Variants in DMD observed in about 807,000 individuals in gnomAD.
The protein encoded by DMD is dystrophin, also known as mutant dystrophin.
DMD carries 63 observed loss-of-function variants against 330.1 expected under a neutral mutation model. The ratio of observed to expected loss-of-function variants is 0.19; its 90% confidence interval spans 0.16 to 0.24. The LOEUF is 0.24. Ranked by LOEUF, DMD falls within the 10% of genes least tolerant of loss-of-function variation. DMD has a pLI of 1.00. For synonymous variants in DMD, 1,223 were observed against 959.8 expected (o/e 1.27, Z -5.07); for missense variants, 3,344 against 2,684.1 (o/e 1.25, Z -5.43).
chrX:31,146,499 C>G, intron 75 of DMD, 85 bp from the exon 76 acceptor site: 1 of 1,032,632 alleles, frequency 9.7e-7, no homozygotes, highest in Admixed American at 2.5e-5. Context: ...ACACTCAGGA[C>G]TCATAAATTT....
intron 67 of DMD, among the ~76,000 whole-genome samples, chrX:31,185,126 A>G (rs1411163152): frequency 9.1e-6 from 1 of 110,314 alleles, no homozygotes; most frequent in Non-Finnish European, 1.9e-5. Context: ...AAAATAAAAT[A>G]AAAAAAATAA....
chrX:32,639,094 C>T (rs896341795), intron 11 of DMD, among the ~76,000 whole-genome samples: 5 of 111,637 alleles, frequency 4.5e-5, no homozygotes, highest in Middle Eastern at 9.2e-3. Flanking sequence ...TTTCCCTTAC[C>T]GTCACAGAAG....
chrX:32,124,518 C>T (rs1171723606), intron 44 of DMD, among the ~76,000 whole-genome samples: 1 of 111,939 alleles, frequency 8.9e-6, no homozygotes, highest in Non-Finnish European at 1.9e-5. Context: ...CAAAGGGGAG[C>T]TCTTTTTTGG....
At chrX:32,882,463 A>G (rs2084050690) in intron 2 of DMD, among the ~76,000 whole-genome samples, 1 of 112,370 alleles carries the variant, frequency 8.9e-6, no homozygotes, top group Non-Finnish European at 1.9e-5. Flanking sequence ...TGTCACTATC[A>G]AAATGGAAAT....
chrX:32,830,225 C>G (rs1004154004), intron 4 of DMD, among the ~76,000 whole-genome samples: 4 of 111,426 alleles, frequency 3.6e-5, no homozygotes, highest in Non-Finnish European at 7.6e-5. Flanking sequence ...TAAGTCATAA[C>G]ATTTTTCTGA....
intron 12 of DMD, among the ~76,000 whole-genome samples, chrX:32,610,825 T>G (rs1056649736): frequency 4.5e-5 from 5 of 111,036 alleles, no homozygotes; most frequent in Non-Finnish European, 9.5e-5. Flanking sequence ...AGGTTACTGA[T>G]GCATTTTGTT....
At chrX:31,375,478 T>C (rs61633449) in intron 60 of DMD, among the ~76,000 whole-genome samples, 8,938 of 111,056 alleles carry the variant, frequency 0.08, 239 homozygotes, top group Middle Eastern at 0.13. Context: ...GGAAAAAAGG[T>C]ACACAGTTGT....
At position 31,975,148 on chromosome X, in the gene DMD, A is replaced by T. The variant is rs1488292962; in HGVS notation, c.6439-6634T>A. Among the ~76,000 whole-genome samples, 14 of 110,930 alleles carry T rather than the reference A, an allele frequency of 1.3e-4. 1 individual carries two copies. The highest frequency in any genetic ancestry group is 2.6e-4 in the Non-Finnish European group (14 of 52,894). On this transcript the variant is annotated intron_variant, in intron 44 of 78. Coordinates refer to ENST00000357033, the MANE Select transcript of DMD (RefSeq NM_004006.3). ...ATATGTTAAGTTTTTGCCCTCTGAAACTGAGGGCTACATTTTAAATCTGGT... is the reference window on the plus strand; with the variant it reads ...ATATGTTAAGTTTTTGCCCTCTGAATCTGAGGGCTACATTTTAAATCTGGT...
chrX:32,178,964 CTCTCTCT>C lies in DMD; in HGVS notation c.6438+37945_6438+37951del, dbSNP rs1353481901. Among the ~76,000 whole-genome samples the C allele has an allele frequency of 3.3e-3, 350 of 104,517 alleles. 2 individuals carry two copies. The highest frequency in any genetic ancestry group is 0.011 in the African/African-American group (309 of 27,692). The allele number at this position is 104,517 out of a possible 115,157, so 90.8% of individuals were successfully genotyped here. ...ATTCTCTCTCTCTCTCTCTCTCTCTCTCTCTCTCTCTCTCTCTCCCTCTCCTCCTGCT... is the reference window on the plus strand; with the variant it reads ...ATTCTCTCTCTCTCTCTCTCTCTCTCCTCTCTCTCTCCCTCTCCTCCTGCT... On this transcript the variant is annotated intron_variant, in intron 44 of 78. Coordinates refer to ENST00000357033, the MANE Select transcript of DMD (RefSeq NM_004006.3).
intron 9 of DMD, among the ~76,000 whole-genome samples, chrX:32,670,707 G>C (rs1180780107): frequency 1.8e-5 from 2 of 112,415 alleles, no homozygotes; most frequent in African/African-American, 6.4e-5. Context: ...ACCACTGGTT[G>C]AGAAGATGTA....
intron 1 of DMD, among the ~76,000 whole-genome samples, chrX:33,314,570 G>GTTTTTTTTTTT (rs1170142842): frequency 3.2e-3 from 250 of 78,887 alleles, no homozygotes; most frequent in Admixed American, 3.9e-3. Context: ...TTTTTTTTTT[G>GTTTTTTTTTTT]TTTTTTTTTT....
intron 9 of DMD, among the ~76,000 whole-genome samples, chrX:32,657,534 G>A (rs2060660659): frequency 3.6e-5 from 4 of 111,647 alleles, no homozygotes; most frequent in Non-Finnish European, 5.7e-5. Flanking sequence ...CACCTATGAG[G>A]TGTGGGAGGA....
intron 11 of DMD, among the ~76,000 whole-genome samples, chrX:32,624,143 A>AGAT (rs1422570292): frequency 2.4e-4 from 27 of 112,392 alleles, no homozygotes; most frequent in African/African-American, 6.8e-4. Context: ...TACCATGCAC[A>AGAT]GATAGGAAAA....
intron 57 of DMD, among the ~76,000 whole-genome samples, chrX:31,480,097 C>G (rs1376341256): frequency 8.9e-6 from 1 of 111,842 alleles, no homozygotes; most frequent in Non-Finnish European, 1.9e-5. Context: ...TGATCTAGGG[C>G]TTAATTTTTG....
rs73617051 is a variant in DMD at position 31,167,148 on chromosome X, T to C, written c.10553+2295A>G. Among the ~76,000 whole-genome samples, 536 of 111,586 alleles carry C rather than the reference T, an allele frequency of 4.8e-3. 3 individuals carry two copies. The highest frequency in any genetic ancestry group is 0.017 in the African/African-American group (513 of 30,737). On this transcript the variant is annotated intron_variant, in intron 74 of 78. Coordinates refer to ENST00000357033, the MANE Select transcript of DMD (RefSeq NM_004006.3). ...ATTCACAGAGACTTACTCTTCTTTA[T>C]TATCTGGTTGAAGGCAGAGTTGCCT...
rs182492861 is a variant in DMD, at chrX:33,074,804, A to T, written c.32-54604T>A. Among the ~76,000 whole-genome samples the T allele has an allele frequency of 9.4e-3, 1,053 of 111,499 alleles. 16 individuals carry two copies. The highest frequency in any genetic ancestry group is 0.033 in the African/African-American group (1,018 of 30,656). On this transcript the variant is annotated intron_variant, in intron 1 of 78. Transcript: ENST00000357033. ...TCTTGAAATGGTCTTTGCAAAAATT[A>T]TAACGGTGAGAAAATGATGGAAGTG...
intron 47 of DMD, among the ~76,000 whole-genome samples, chrX:31,888,760 A>G (rs1424225320): frequency 8.9e-6 from 1 of 112,119 alleles, no homozygotes; most frequent in Non-Finnish European, 1.9e-5. Flanking sequence ...ATATGACTGA[A>G]AAATACATTG....
intron 7 of DMD, among the ~76,000 whole-genome samples, chrX:32,737,148 G>GC (rs1220473638): frequency 1.8e-5 from 2 of 109,695 alleles, no homozygotes; most frequent in African/African-American, 6.6e-5. Context: ...AAAGGGGGGG[G>GC]ACATAAAATC....
intron 55 of DMD, among the ~76,000 whole-genome samples, chrX:31,576,937 G>C (rs1222504223): frequency 3.6e-5 from 4 of 110,020 alleles, no homozygotes; most frequent in African/African-American, 1.3e-4. Flanking sequence ...GGATGGTGTC[G>C]ATCTCCTGAC....
Sources: gnomAD v4.1 joint callset for allele counts (sites outside exome capture counted in the v4.1 genomes callset) on GRCh38, gnomAD v4.1.1 for gene constraint, MANE v1.5 for transcripts, NCBI Gene and HGNC (gene_info 2026-07-23, HGNC 2026-07-21) for gene names.